Variants in LRRTM4 observed in about 807,000 individuals in gnomAD.
The protein encoded by LRRTM4 is leucine rich repeat transmembrane neuronal 4.
In LRRTM4, 25 loss-of-function variants were observed where a neutral mutation model predicts 47.6. That is an observed-to-expected ratio of 0.53 (90% CI 0.38 to 0.73). The LOEUF (loss-of-function observed/expected upper bound fraction) is 0.73. Among genes scored for constraint, LRRTM4 ranks in the 30% least tolerant of loss-of-function variants. LRRTM4 has a pLI of 0.00. For synonymous variants in LRRTM4, 311 were observed against 269.5 expected (o/e 1.15, Z -1.51); for missense variants, 638 against 713.4 (o/e 0.89, Z 1.20).
At chr2:77,322,174 C>T (rs1375145155) in intron 3 of LRRTM4, among the ~76,000 whole-genome samples, 1 of 151,996 alleles carries the variant, frequency 6.6e-6, no homozygotes, top group Non-Finnish European at 1.5e-5. Context: ...TGTTTCTCAG[C>T]ATTGTGAAGA....
At chr2:77,118,873 A>G (rs777099851) in intron 3 of LRRTM4, among the ~76,000 whole-genome samples, 33 of 151,836 alleles carry the variant, frequency 2.2e-4, no homozygotes, top group Non-Finnish European at 4.6e-4. Flanking sequence ...GACCATATAC[A>G]TTTTTGTTCT....
At chr2:77,018,060 C>T (rs896694983) in intron 3 of LRRTM4, among the ~76,000 whole-genome samples, 2 of 151,816 alleles carry the variant, frequency 1.3e-5, no homozygotes, top group African/African-American at 2.4e-5. Context: ...CTTTTTATAG[C>T]TTTGGTATAC....
chr2:77,306,490 T>C (rs967138374), intron 3 of LRRTM4, among the ~76,000 whole-genome samples: 1 of 152,194 alleles, frequency 6.6e-6, no homozygotes, highest in African/African-American at 2.4e-5. Flanking sequence ...AGCAGACATA[T>C]CCCAAAATGT....
chr2:77,333,840 T>C (rs1414609991), intron 3 of LRRTM4, among the ~76,000 whole-genome samples: 2 of 152,116 alleles, frequency 1.3e-5, no homozygotes, highest in Non-Finnish European at 2.9e-5. Context: ...ACTTGCACCA[T>C]GCACCTGGAA....
intron 3 of LRRTM4, among the ~76,000 whole-genome samples, chr2:77,215,060 G>A (rs76346597): frequency 0.022 from 3,279 of 152,256 alleles, 152 homozygotes; most frequent in African/African-American, 0.074. Context: ...ATTCCCAGAT[G>A]TGGCTTACTG....
At chr2:77,420,137 G>A (rs1009806172) in intron 3 of LRRTM4, among the ~76,000 whole-genome samples, 1 of 152,142 alleles carries the variant, frequency 6.6e-6, no homozygotes, top group African/African-American at 2.4e-5. Flanking sequence ...AGTTCTTTGT[G>A]GGCTGTTCAT....
chr2:76,773,884 T>A (rs1236378751), intron 3 of LRRTM4, among the ~76,000 whole-genome samples: 1 of 151,954 alleles, frequency 6.6e-6, no homozygotes, highest in Non-Finnish European at 1.5e-5. Flanking sequence ...AAATTTTATT[T>A]ACCTGGTATA....
chr2:77,518,227 T>C, intron 3 of LRRTM4, 91 bp downstream of exon 3: 3 of 1,404,298 alleles, frequency 2.1e-6, no homozygotes, highest in Non-Finnish European at 2.8e-6. Context: ...GTCATTAATC[T>C]TTCTAGTGAT....
chr2:77,470,087 A>G (rs903714842), intron 3 of LRRTM4, among the ~76,000 whole-genome samples: 2 of 152,160 alleles, frequency 1.3e-5, no homozygotes, highest in African/African-American at 4.8e-5. Flanking sequence ...TCTATAAGGC[A>G]TAGTTTCTTA....
At chr2:77,003,830 G>C (rs1169797640) in intron 3 of LRRTM4, among the ~76,000 whole-genome samples, 1 of 152,142 alleles carries the variant, frequency 6.6e-6, no homozygotes, top group East Asian at 1.9e-4. Context: ...ATGTGGAAAA[G>C]TTTGGAACTT....
intron 3 of LRRTM4, among the ~76,000 whole-genome samples, chr2:77,245,671 T>G (rs944507532): frequency 6.6e-6 from 1 of 152,140 alleles, no homozygotes; most frequent in Admixed American, 6.5e-5. Flanking sequence ...AACTTGCATT[T>G]TTTCTTTCTC....
intron 3 of LRRTM4, among the ~76,000 whole-genome samples, chr2:76,866,396 C>A (rs574251138): frequency 3.3e-5 from 5 of 152,254 alleles, no homozygotes; most frequent in Non-Finnish European, 7.4e-5. Flanking sequence ...TGCTGGTTAC[C>A]TTTCTTTCCT....
At chr2:77,333,825 T>G (rs563582017) in intron 3 of LRRTM4, among the ~76,000 whole-genome samples, 1 of 152,104 alleles carries the variant, frequency 6.6e-6, no homozygotes, top group Non-Finnish European at 1.5e-5. Flanking sequence ...GTAATTCCAC[T>G]GACAACTTGC....
At chr2:76,908,912 T>C (rs1673947860) in intron 3 of LRRTM4, among the ~76,000 whole-genome samples, 1 of 152,152 alleles carries the variant, frequency 6.6e-6, no homozygotes, top group Non-Finnish European at 1.5e-5. Flanking sequence ...AAAATGGCCA[T>C]ACTGCCCAAG....
intron 3 of LRRTM4, chr2:77,517,253 TTTA>T: frequency 1.0e-6 from 1 of 984,440 alleles, no homozygotes. Context: ...CGGGTCCAAA[TTTA>T]TTCTTATAAA....
chr2:77,126,684 G>C (rs1478880580), intron 3 of LRRTM4, among the ~76,000 whole-genome samples: 1 of 152,164 alleles, frequency 6.6e-6, no homozygotes, highest in African/African-American at 2.4e-5. Flanking sequence ...GTCTTGTCAG[G>C]TCATTCCTGG....
intron 3 of LRRTM4, among the ~76,000 whole-genome samples, chr2:77,149,976 C>T (rs1672371502): frequency 6.6e-6 from 1 of 152,128 alleles, no homozygotes; most frequent in African/African-American, 2.4e-5. Context: ...GTTTGTTTCT[C>T]TAGGCAAGGC....
chr2:76,872,255 T>G (rs1672644444), intron 3 of LRRTM4, among the ~76,000 whole-genome samples: 1 of 152,086 alleles, frequency 6.6e-6, no homozygotes, highest in Non-Finnish European at 1.5e-5. Context: ...AAAATCAGAA[T>G]CATGAAATCC....
At chr2:77,203,661 C>A (rs940674710) in intron 3 of LRRTM4, among the ~76,000 whole-genome samples, 5 of 152,074 alleles carry the variant, frequency 3.3e-5, no homozygotes, top group African/African-American at 1.2e-4. Flanking sequence ...AATGATAAAG[C>A]CTTTAAGCTC....
Sources: gnomAD v4.1 joint callset for allele counts (sites outside exome capture counted in the v4.1 genomes callset) on GRCh38, gnomAD v4.1.1 for gene constraint, MANE v1.5 for transcripts, NCBI Gene and HGNC (gene_info 2026-07-23, HGNC 2026-07-21) for gene names.